NTNG1: variants seen among roughly 807,000 people sequenced by gnomAD.
The protein encoded by NTNG1 is netrin G1, also known as netrin-G1.
A neutral mutation model predicts 54.0 loss-of-function variants in NTNG1; 16 were observed. The ratio of observed to expected loss-of-function variants is 0.30; its 90% confidence interval spans 0.20 to 0.45. The LOEUF is 0.45. Among genes scored for constraint, NTNG1 ranks in the 20% least tolerant of loss-of-function variants. The pLI is 1.00. For synonymous variants in NTNG1, 255 were observed against 263.1 expected, an observed-to-expected ratio of 0.97 and a Z score of 0.30; for missense variants, 530 against 678.7, an observed-to-expected ratio of 0.78 and a Z score of 2.43.
chr1:107,435,915 T>C (rs1025104022), intron 6 of NTNG1, among the ~76,000 whole-genome samples: 16 of 152,148 alleles, frequency 1.1e-4, no homozygotes, highest in African/African-American at 3.6e-4. Flanking sequence ...AGTAAAAATA[T>C]CCTATATAAG....
intron 2 of NTNG1, among the ~76,000 whole-genome samples, chr1:107,321,578 A>C (rs372438659): frequency 4.1e-4 from 63 of 152,246 alleles, no homozygotes; most frequent in Admixed American, 1.2e-3. Context: ...GATGCCCTCC[A>C]GGATACGACT....
At chr1:107,394,589 T>A (rs1221815562) in intron 3 of NTNG1, among the ~76,000 whole-genome samples, 2 of 152,180 alleles carry the variant, frequency 1.3e-5, no homozygotes, top group Non-Finnish European at 2.9e-5. Context: ...GTGGAAAATC[T>A]CTTCTGATCT....
chr1:107,142,307 CTTT>C (rs11408012), intron 1 of NTNG1, among the ~76,000 whole-genome samples: 1 of 146,190 alleles, frequency 6.8e-6, no homozygotes, highest in Admixed American at 6.8e-5. Context: ...CACCCGGGGA[CTTT>C]TTTTTTTTTT....
intron 2 of NTNG1, among the ~76,000 whole-genome samples, chr1:107,225,942 G>A (rs1462800942): frequency 6.6e-6 from 1 of 152,152 alleles, no homozygotes; most frequent in Non-Finnish European, 1.5e-5. Flanking sequence ...CAGGTTCTAT[G>A]TGCCCAGTAC....
chr1:107,462,910 G>A (rs961537818), intron 7 of NTNG1, among the ~76,000 whole-genome samples: 2 of 152,118 alleles, frequency 1.3e-5, no homozygotes, highest in African/African-American at 2.4e-5. Flanking sequence ...ATTTGCCAAC[G>A]CCCCACAGCT....
At chr1:107,198,516 C>T (rs936704624) in intron 2 of NTNG1, among the ~76,000 whole-genome samples, 2 of 151,892 alleles carry the variant, frequency 1.3e-5, no homozygotes, top group African/African-American at 2.4e-5. Flanking sequence ...TAATGCCCAT[C>T]TTTAGTGGGG....
intron 2 of NTNG1, among the ~76,000 whole-genome samples, chr1:107,178,634 A>T (rs897737468): frequency 1.3e-5 from 2 of 152,104 alleles, no homozygotes; most frequent in Non-Finnish European, 2.9e-5. Flanking sequence ...AAATTTTTCT[A>T]TTTTACTCTC....
At chr1:107,398,757 T>C (rs1266717282) in intron 4 of NTNG1, among the ~76,000 whole-genome samples, 1 of 152,190 alleles carries the variant, frequency 6.6e-6, no homozygotes, top group Non-Finnish European at 1.5e-5. Context: ...AAAAGACATT[T>C]TTCTTCTCCT....
chr1:107,352,963 G>T (rs1008863315), intron 3 of NTNG1, among the ~76,000 whole-genome samples: 1 of 152,192 alleles, frequency 6.6e-6, no homozygotes, highest in Non-Finnish European at 1.5e-5. Flanking sequence ...GCAAGGTGGT[G>T]GGGCACTGGG....
intron 2 of NTNG1, among the ~76,000 whole-genome samples, chr1:107,270,141 CAGTG>C (rs1664044714): frequency 6.6e-6 from 1 of 152,208 alleles, no homozygotes; most frequent in Non-Finnish European, 1.5e-5. Context: ...AGATGTAAAA[CAGTG>C]AGTAACTTTT....
At chr1:107,416,102 G>A (rs78340103) in intron 5 of NTNG1, among the ~76,000 whole-genome samples, 2,296 of 152,026 alleles carry the variant, frequency 0.015, 64 homozygotes, top group African/African-American at 0.053. Flanking sequence ...ATGTGCAGTC[G>A]GTAACACACT....
intron 2 of NTNG1, among the ~76,000 whole-genome samples, chr1:107,167,734 A>G (rs1047719747): frequency 6.6e-6 from 1 of 152,040 alleles, no homozygotes; most frequent in East Asian, 1.9e-4. Context: ...ACATGTATTA[A>G]TATAATATTT....
chr1:107,150,453 C>A (rs1654478277), intron 2 of NTNG1, among the ~76,000 whole-genome samples: 1 of 152,140 alleles, frequency 6.6e-6, no homozygotes, highest in Non-Finnish European at 1.5e-5. Context: ...TCTTCTACGC[C>A]TTATAGCAGA....
At chr1:107,202,743 C>T (rs984521231) in intron 2 of NTNG1, among the ~76,000 whole-genome samples, 18 of 151,844 alleles carry the variant, frequency 1.2e-4, no homozygotes, top group Admixed American at 1.2e-3. Context: ...TTGTAACTAT[C>T]ACCACAATCA....
At chr1:107,308,138 C>T (rs986459366) in intron 2 of NTNG1, among the ~76,000 whole-genome samples, 7 of 152,052 alleles carry the variant, frequency 4.6e-5, no homozygotes, top group African/African-American at 1.7e-4. Context: ...CTTTGCTGTG[C>T]AGAAGCTCTT....
At chr1:107,221,871 A>G (rs1321740216) in intron 2 of NTNG1, among the ~76,000 whole-genome samples, 1 of 152,208 alleles carries the variant, frequency 6.6e-6, no homozygotes, top group Admixed American at 6.5e-5. Flanking sequence ...TGAAGCTCCT[A>G]GAGGCAGAGA....
Position 107,324,725 on chromosome 1 carries a change from G to T in NTNG1, c.690G>T (p.Ala230=). The change falls in exon 3 of 8, where the codon GCG becomes GCT. Residue 230 remains alanine, a synonymous_variant. Coordinates refer to ENST00000370068, the MANE Select transcript of NTNG1 (RefSeq NM_001113226.3). ...IIHFEIKDRF[A]FFAGPRLRNM... ...ACTTTGAAATCAAAGACAGGTTCGC[G>T]TTTTTTGCTGGACCTCGCCTACGCA... The T allele has an allele frequency of 1.2e-6, 2 of 1,613,522 alleles. No homozygotes were observed.
intron 3 of NTNG1, among the ~76,000 whole-genome samples, chr1:107,393,505 G>A (rs1444037): frequency 0.013 from 1,991 of 151,920 alleles, 42 homozygotes; most frequent in African/African-American, 0.044. Context: ...ATATACAAAT[G>A]TTCATTTTCA....
chr1:107,188,419 T>C (rs10494062), intron 2 of NTNG1, among the ~76,000 whole-genome samples: 6,596 of 152,238 alleles, frequency 0.043, 463 homozygotes, highest in African/African-American at 0.15. Flanking sequence ...GCATAAGTAA[T>C]ATACCCCCTA....
Sources: gnomAD v4.1 joint callset for allele counts (sites outside exome capture counted in the v4.1 genomes callset) on GRCh38, gnomAD v4.1.1 for gene constraint, MANE v1.5 for transcripts, NCBI Gene and HGNC (gene_info 2026-07-23, HGNC 2026-07-21) for gene names.